ANO2: variants seen among roughly 807,000 people sequenced by gnomAD.
ANO2 encodes the protein anoctamin 2.
A neutral mutation model predicts 124.2 loss-of-function variants in ANO2; 101 were observed. That is an observed-to-expected ratio of 0.81 (90% CI 0.69 to 0.96). The LOEUF (loss-of-function observed/expected upper bound fraction) is 0.96. Among genes scored for constraint, ANO2 ranks in the 40% least tolerant of loss-of-function variants. ANO2 has a pLI of 0.00. For missense variants in ANO2, 1,293 were observed against 1,274.5 expected (o/e 1.01, Z -0.22); for synonymous variants, 486 against 482.5 (o/e 1.01, Z -0.09).
chr12:5,785,153 C>T (rs1231811962), intron 10 of ANO2, among the ~76,000 whole-genome samples: 1 of 152,056 alleles, frequency 6.6e-6, no homozygotes, highest in African/African-American at 2.4e-5. Flanking sequence ...GTCCCCAAGG[C>T]TGGAAGATGT....
Position 5,657,412 on chromosome 12 carries a change from C to T in ANO2, c.1546-9611G>A, listed in dbSNP as rs893632316. Among the ~76,000 whole-genome samples the T allele has an allele frequency of 2.6e-5, 4 of 151,388 alleles. No individual in the cohort carries two copies. In the East Asian group the frequency reaches 5.8e-4, roughly 22 times the overall value. On this transcript the variant is annotated intron_variant, in intron 14 of 24. Coordinates refer to ENST00000682330, the MANE Select transcript of ANO2 (RefSeq NM_001364791.2). Reference sequence around the variant, plus strand: ...CTTGAGGAGACATGAATATGTGGAGCGCTTAGGGGAGGGAAGGCTGAGAAA... The same window carrying T: ...CTTGAGGAGACATGAATATGTGGAGTGCTTAGGGGAGGGAAGGCTGAGAAA...
chr12:5,643,947 C>A (rs891096449), intron 15 of ANO2, among the ~76,000 whole-genome samples: 5 of 152,082 alleles, frequency 3.3e-5, no homozygotes, highest in Admixed American at 3.3e-4. Context: ...ATAGTTGTTG[C>A]AAATATATTA....
chr12:5,879,307 C>T (rs1938326880), intron 3 of ANO2, among the ~76,000 whole-genome samples: 1 of 152,134 alleles, frequency 6.6e-6, no homozygotes, highest in Non-Finnish European at 1.5e-5. Context: ...TTTCAGAAGC[C>T]CTTCAGTTTC....
At chr12:5,577,586 T>C (rs1226994634) in intron 22 of ANO2, among the ~76,000 whole-genome samples, 1 of 152,216 alleles carries the variant, frequency 6.6e-6, no homozygotes, top group East Asian at 1.9e-4. Context: ...GCCTGGGCAA[T>C]GCTCCAGGTA....
intron 7 of ANO2, among the ~76,000 whole-genome samples, chr12:5,814,827 A>G (rs1953551820): frequency 6.6e-6 from 1 of 152,254 alleles, no homozygotes; most frequent in Non-Finnish European, 1.5e-5. Context: ...TAAATTAGTT[A>G]AAAAGCAATG....
chr12:5,861,307 G>A (rs1463662068), intron 3 of ANO2, among the ~76,000 whole-genome samples: 1 of 152,196 alleles, frequency 6.6e-6, no homozygotes, highest in Non-Finnish European at 1.5e-5. Flanking sequence ...AAATTAGGGA[G>A]GCAGGGGAAG....
intron 7 of ANO2, among the ~76,000 whole-genome samples, chr12:5,820,264 G>A (rs1468527618): frequency 2.0e-5 from 3 of 152,110 alleles, no homozygotes; most frequent in Non-Finnish European, 4.4e-5. Context: ...CAGGGTAACT[G>A]TGCATTGGGG....
intron 23 of ANO2, among the ~76,000 whole-genome samples, chr12:5,567,216 G>A (rs964649592): frequency 2.0e-5 from 3 of 152,098 alleles, no homozygotes; most frequent in Admixed American, 6.5e-5. Flanking sequence ...TTTGACATCC[G>A]GATGAAAAGC....
intron 14 of ANO2, among the ~76,000 whole-genome samples, chr12:5,670,862 C>T (rs1014266241): frequency 1.1e-4 from 17 of 152,208 alleles, no homozygotes; most frequent in Non-Finnish European, 2.4e-4. Flanking sequence ...TTAAACAATC[C>T]TCTCAACAAT....
At chr12:5,674,926 G>T (rs2136992431) in intron 14 of ANO2, among the ~76,000 whole-genome samples, 1 of 151,526 alleles carries the variant, frequency 6.6e-6, no homozygotes, top group Non-Finnish European at 1.5e-5. Flanking sequence ...GGAACCCACA[G>T]CCTGTGAGGT....
chr12:5,639,731 G>A (rs1186598495), intron 15 of ANO2, among the ~76,000 whole-genome samples: 2 of 152,152 alleles, frequency 1.3e-5, no homozygotes, highest in East Asian at 1.9e-4. Flanking sequence ...GTGAGGATGT[G>A]GGCTTCCACA....
chr12:5,727,206 G>A (rs1026360940), intron 14 of ANO2, among the ~76,000 whole-genome samples: 3 of 152,038 alleles, frequency 2.0e-5, no homozygotes, highest in Non-Finnish European at 2.9e-5. Context: ...AAAAGTGAGT[G>A]AGTTCCTGTG....
intron 3 of ANO2, among the ~76,000 whole-genome samples, chr12:5,863,191 C>T (rs1031191199): frequency 4.6e-5 from 7 of 152,076 alleles, no homozygotes; most frequent in Admixed American, 4.6e-4. Context: ...ACTAATACAC[C>T]CTCCAACATA....
intron 3 of ANO2, among the ~76,000 whole-genome samples, chr12:5,863,834 T>C (rs1955345262): frequency 6.6e-6 from 1 of 152,200 alleles, no homozygotes; most frequent in Non-Finnish European, 1.5e-5. Flanking sequence ...TAATGTTTTA[T>C]GTTAAATAAA....
At chr12:5,938,288 AC>A (rs1419671915) in intron 1 of ANO2, among the ~76,000 whole-genome samples, 1 of 152,078 alleles carries the variant, frequency 6.6e-6, no homozygotes, top group East Asian at 1.9e-4. Flanking sequence ...CAGATCCCTG[AC>A]CCCTGGTAAA....
chr12:5,831,206 G>A (rs915625590), intron 5 of ANO2, among the ~76,000 whole-genome samples: 1 of 152,196 alleles, frequency 6.6e-6, no homozygotes, highest in African/African-American at 2.4e-5. Context: ...TCACTGGAAG[G>A]TACATTTCTC....
At chr12:5,615,349 C>T (rs1212994404) in intron 16 of ANO2, 52 bp from the exon 17 acceptor site, 1 of 1,414,512 alleles carries the variant, frequency 7.1e-7, no homozygotes, top group African/African-American at 1.4e-5. Flanking sequence ...TCTCACCTCT[C>T]CAGAGTTTTG....
chr12:5,601,173 T>C lies in ANO2; in HGVS notation c.2088-1544A>G, dbSNP rs1037424716. 5.9e-5 allele frequency among the ~76,000 whole-genome samples: 9 copies of C among 152,112 alleles called. No individual in the cohort carries two copies. The South Asian group carries it at 6.2e-4, about 11-fold the overall frequency. ...TTAAAATGGAGAAATAAATATTAAC[T>C]TGCCCACAGGGTGAGTTAAAAGACA... On this transcript the variant is annotated intron_variant, in intron 19 of 24. Transcript: ENST00000682330.
At chr12:5,738,706 G>A (rs1011754005) in intron 13 of ANO2, among the ~76,000 whole-genome samples, 6 of 152,112 alleles carry the variant, frequency 3.9e-5, no homozygotes, top group African/African-American at 7.2e-5. Flanking sequence ...CACCAGCATC[G>A]GGAATGGGGG....
Sources: allele counts gnomAD v4.1 joint callset (sites outside exome capture counted in the v4.1 genomes callset), GRCh38; gene constraint gnomAD v4.1.1; transcripts MANE v1.5; gene names NCBI Gene and HGNC (gene_info 2026-07-23, HGNC 2026-07-21).